INVS: variants seen among roughly 807,000 people sequenced by gnomAD.
INVS encodes the protein inversion of embryo turning homolog.
In INVS, 86 loss-of-function variants were observed where a neutral mutation model predicts 108.8. The observed-to-expected ratio is 0.79, with a 90% CI of 0.66 to 0.95. The LOEUF (loss-of-function observed/expected upper bound fraction) is 0.95. Among genes scored for constraint, INVS ranks in the 40% least tolerant of loss-of-function variants. The probability of loss-of-function intolerance (pLI) is 0.00; values close to 1 mark genes in which losing one functional copy is unlikely to be tolerated. For missense variants in INVS, 1,169 were observed against 1,297.4 expected, an observed-to-expected ratio of 0.90 and a Z score of 1.52; for synonymous variants, 455 against 473.5, an observed-to-expected ratio of 0.96 and a Z score of 0.51.
chr9:100,264,731 G>T (rs78657383), intron 10 of INVS, 91 bp from the exon 11 acceptor site: 2 of 870,846 alleles, frequency 2.3e-6, no homozygotes, highest in African/African-American at 1.7e-5. Context: ...TTGGAAAAAT[G>T]ATTGCTTATA....
At chr9:100,285,702 C>T (rs761331846) in intron 13 of INVS, among the ~76,000 whole-genome samples, 8 of 152,194 alleles carry the variant, frequency 5.3e-5, no homozygotes, top group Non-Finnish European at 1.2e-4. Context: ...TAAATTGTAA[C>T]AACCAGTCAG....
intron 2 of INVS, among the ~76,000 whole-genome samples, chr9:100,124,334 T>C (rs1438959994): frequency 1.3e-5 from 2 of 152,094 alleles, no homozygotes; most frequent in Non-Finnish European, 2.9e-5. Context: ...CTTTTTGATA[T>C]AGTTATCTTA....
chr9:100,264,944 C>CT lies in INVS; in HGVS notation c.1571+32dup, dbSNP rs746060368. 184,929 of 1,152,320 alleles carry CT rather than the reference C, an allele frequency of 0.16. 143 individuals carry two copies. The highest frequency in any genetic ancestry group is 0.17 in the South Asian group (10,962 of 63,242). 71.4% of individuals were successfully genotyped at this position (1,152,320 alleles called of 1,614,324 possible). A position where few individuals can be genotyped will look rare whatever the true frequency, so the allele number is the denominator to read the frequency against. ...ATGAAGAGAGGTAAGTTGTTGTTGA[C>CT]TTTTTTTTTTTTTTTTGAGATGGCT... On this transcript the variant is annotated intron_variant, in intron 11 of 16. Coordinates refer to ENST00000262457, the MANE Select transcript of INVS (RefSeq NM_014425.5).
At chr9:100,219,489 G>A (rs1440855102) in intron 3 of INVS, among the ~76,000 whole-genome samples, 1 of 152,112 alleles carries the variant, frequency 6.6e-6, no homozygotes, top group South Asian at 2.1e-4. Context: ...GCAAAAATTA[G>A]CAAGTCAGAC....
chr9:100,099,948 C>T lies in INVS; in HGVS notation c.-25+532C>T, dbSNP rs73656935. Among the ~76,000 whole-genome samples the T allele has an allele frequency of 7.2e-3, 1,093 of 152,280 alleles. 8 individuals carry two copies. Among genetic ancestry groups the T allele is most frequent in the African/African-American group, 0.025 (1,054 of 41,536 alleles). On this transcript the variant is annotated intron_variant, in intron 1 of 16. Transcript: ENST00000262457. ...TTTCCTGCTGCCTGGAATGGCCTTA[C>T]CCGTTCTCTCTCTGGAATGCTATCT...
At position 100,297,026 on chromosome 9, in the gene INVS, A is replaced by G; in HGVS notation, c.2896A>G (p.Arg966Gly). 1.9e-6 allele frequency: 3 copies of G among 1,613,966 alleles called. No homozygotes were observed. The highest frequency in any genetic ancestry group is 1.7e-5 in the Admixed American group (1 of 60,004). Residue 966 changes from arginine to glycine, a missense_variant, in exon 15 of 17, where the codon AGG becomes GGG. Around this residue, in one of 3 missense-constraint regions of INVS, gnomAD observed 533 missense variants for 536.0 expected, o/e 0.99. Coordinates refer to ENST00000262457, the MANE Select transcript of INVS (RefSeq NM_014425.5). ...TACAGCATTGCTCCTCCAGGTTTGG[A>G]GGAAGGAACTGGAACTAAAATTCCC... ...ESTALLLQVW[R>G]KELELKFPQT...
At chr9:100,195,312 T>C (rs1830339386) in intron 3 of INVS, among the ~76,000 whole-genome samples, 2 of 152,132 alleles carry the variant, frequency 1.3e-5, no homozygotes, top group Non-Finnish European at 2.9e-5. Context: ...TATCATATAG[T>C]TGTTGTTCTT....
chr9:100,278,684 G>A (rs560551878), intron 12 of INVS, among the ~76,000 whole-genome samples: 4 of 152,276 alleles, frequency 2.6e-5, no homozygotes, highest in East Asian at 3.9e-4. Flanking sequence ...TCTGTCAAAC[G>A]GAAGGGTTAG....
At chr9:100,211,936 A>G (rs998508686) in intron 3 of INVS, among the ~76,000 whole-genome samples, 3 of 152,236 alleles carry the variant, frequency 2.0e-5, no homozygotes, top group Admixed American at 6.5e-5. Flanking sequence ...GGTTCTCATC[A>G]TATTTGTTAA....
intron 13 of INVS, among the ~76,000 whole-genome samples, chr9:100,287,485 A>T (rs1238872042): frequency 6.6e-6 from 1 of 152,224 alleles, no homozygotes; most frequent in Non-Finnish European, 1.5e-5. Flanking sequence ...TTCCTCCCAC[A>T]TGCAAGATAT....
intron 2 of INVS, 28 bp from the exon 3 acceptor site, chr9:100,126,355 T>C (rs771392354): frequency 1.2e-4 from 182 of 1,567,142 alleles, no homozygotes; most frequent in Non-Finnish European, 1.5e-4. Flanking sequence ...AATTATCAAA[T>C]ATCACTATCT....
rs1486290733 is a variant in INVS at position 100,126,436 on chromosome 9, T to C, written c.160T>C (p.Tyr54His). 7 of 1,613,980 alleles carry C rather than the reference T, an allele frequency of 4.3e-6. No individual in the cohort carries two copies. The highest frequency in any genetic ancestry group is 5.1e-6 in the Non-Finnish European group (6 of 1,179,960). Residue 54 changes from tyrosine (Y) to histidine (H), a missense_variant, in exon 3 of 17, where the codon TAT becomes CAT. Physicochemically the swap from Tyr to His is moderately conservative, Grantham distance 83. This residue lies in a region of INVS where 365 missense variants were observed against 397.5 expected (regional missense o/e 0.92). Coordinates refer to ENST00000262457, the MANE Select transcript of INVS (RefSeq NM_014425.5). ...TCAGTTTGGGAGAACACCACTTATG[T>C]ATTGCGTGTTGGCTGACAGATTGGA... ...EDQFGRTPLM[Y>H]CVLADRLDCA...
intron 3 of INVS, among the ~76,000 whole-genome samples, chr9:100,192,250 T>A (rs1460350518): frequency 8.0e-6 from 1 of 124,830 alleles, no homozygotes; most frequent in Non-Finnish European, 1.7e-5. Flanking sequence ...GAAAAAAGAG[T>A]GTGTGTGTGT....
chr9:100,122,631 T>G (rs1245339490), intron 2 of INVS, among the ~76,000 whole-genome samples: 2 of 128,836 alleles, frequency 1.6e-5, no homozygotes, highest in East Asian at 5.3e-4. Flanking sequence ...TTGCCCAGGC[T>G]GGAGTGCAGT....
At chr9:100,110,321 A>G (rs1827303740) in intron 2 of INVS, among the ~76,000 whole-genome samples, 1 of 152,226 alleles carries the variant, frequency 6.6e-6, no homozygotes, top group Non-Finnish European at 1.5e-5. Flanking sequence ...GGAAATTGAG[A>G]TGCAGAGAGG....
intron 3 of INVS, among the ~76,000 whole-genome samples, chr9:100,154,466 G>A (rs1054563596): frequency 4.1e-5 from 6 of 147,366 alleles, no homozygotes; most frequent in South Asian, 2.2e-4. Flanking sequence ...TGTGTCCACC[G>A]TGCCCTGCCT....
chr9:100,105,995 A>G (rs535870117), intron 2 of INVS, among the ~76,000 whole-genome samples: 3 of 151,740 alleles, frequency 2.0e-5, no homozygotes, highest in South Asian at 2.1e-4. Context: ...ACCCACTTCA[A>G]ATAGGCACTC....
chr9:100,285,838 G>A (rs1833423349), intron 13 of INVS, among the ~76,000 whole-genome samples: 1 of 152,190 alleles, frequency 6.6e-6, no homozygotes, highest in Non-Finnish European at 1.5e-5. Context: ...AAGGAAAGGT[G>A]TGCAGCACGA....
chr9:100,292,790 T>C lies in INVS; in HGVS notation c.2533T>C (p.Tyr845His). The C allele has an allele frequency of 6.2e-7, 1 of 1,614,112 alleles. No individual in the cohort carries two copies. Among genetic ancestry groups the C allele is most frequent in the South Asian group, 1.1e-5 (1 of 91,058 alleles). ...VTQAKLTGGLYSHLPQSTEEL... is the reference protein window; with the variant it reads ...VTQAKLTGGLHSHLPQSTEEL... Reference sequence around the variant, plus strand: ...ACAAGCCAAGCTCACAGGAGGGCTCTATTCACATTTGCCACAGAGCACAGA... The same window carrying C: ...ACAAGCCAAGCTCACAGGAGGGCTCCATTCACATTTGCCACAGAGCACAGA... The change falls in exon 14 of 17, where the codon TAT becomes CAT. Residue 845 changes from tyrosine (Y) to histidine (H), a missense_variant. Tyr to His is a moderately conservative substitution (Grantham distance 83, BLOSUM62 2). Coordinates refer to ENST00000262457, the MANE Select transcript of INVS (RefSeq NM_014425.5).
Sources: gnomAD v4.1 joint callset for allele counts (sites outside exome capture counted in the v4.1 genomes callset) on GRCh38, gnomAD v4.1.1 for gene constraint, gnomAD v4.1.1 regional missense constraint, MANE v1.5 for transcripts, NCBI Gene and HGNC (gene_info 2026-07-23, HGNC 2026-07-21) for gene names.